EFCAB8: variants seen among roughly 807,000 people sequenced by gnomAD.
EFCAB8 encodes EF-hand calcium binding domain 8.
A neutral mutation model predicts 116.3 loss-of-function variants in EFCAB8; 100 were observed. That is an observed-to-expected ratio of 0.86 (90% CI 0.73 to 1.02). The LOEUF (loss-of-function observed/expected upper bound fraction) is 1.02, where lower values mean the gene tolerates loss of function less well. EFCAB8 is among the 50% of genes least tolerant of loss of function. The pLI is 0.00. For synonymous variants in EFCAB8, 558 were observed against 567.9 expected (o/e 0.98, Z 0.25); for missense variants, 1,320 against 1,416.9 (o/e 0.93, Z 1.10).
intron 23 of EFCAB8, among the ~76,000 whole-genome samples, chr20:32,951,344 A>T (rs1466569363): frequency 2.0e-5 from 3 of 152,278 alleles, no homozygotes; most frequent in Non-Finnish European, 4.4e-5. Flanking sequence ...GCAATAAAAC[A>T]GAATGAAGAA....
rs186570042 is a variant in EFCAB8 at position 32,916,534 on chromosome 20, T to C, written c.1857-767T>C. 4.0e-3 allele frequency among the ~76,000 whole-genome samples: 607 copies of C among 152,136 alleles called. 2 individuals carry two copies. The highest frequency in any genetic ancestry group is 5.9e-3 in the Non-Finnish European group (401 of 67,974). On this transcript the variant is annotated intron_variant, in intron 17 of 26. Transcript: ENST00000400522. ...TTGGCCCCTCAAAGTGCTGGGATTA[T>C]AGGCATGAGCCACCATGCCTAGCCT...
At chr20:32,897,442 T>A (rs1417430381) in intron 10 of EFCAB8, among the ~76,000 whole-genome samples, 3 of 150,238 alleles carry the variant, frequency 2.0e-5, no homozygotes, top group Non-Finnish European at 4.5e-5. Flanking sequence ...GCACTGACTT[T>A]TTTTTTTTTT....
chr20:32,917,537 C>T, intron 18 of EFCAB8, 32 bp downstream of exon 18: 1 of 1,544,458 alleles, frequency 6.5e-7, no homozygotes. Flanking sequence ...CTCCTCCCAC[C>T]CTTCTCTCAG....
intron 17 of EFCAB8, 97 bp downstream of exon 17, chr20:32,912,961 A>G (rs1987013993): frequency 1.5e-6 from 1 of 669,136 alleles, no homozygotes; most frequent in Non-Finnish European, 2.8e-6. Context: ...TGGTTGGAAC[A>G]CCATGCAGGA....
At chr20:32,929,971 A>T (rs1392764504) in intron 20 of EFCAB8, among the ~76,000 whole-genome samples, 4 of 152,218 alleles carry the variant, frequency 2.6e-5, no homozygotes, top group African/African-American at 9.6e-5. Context: ...TTTCTTGATG[A>T]TTGGCTGGAA....
At chr20:32,951,810 G>T (rs2146300420) in intron 23 of EFCAB8, among the ~76,000 whole-genome samples, 1 of 152,130 alleles carries the variant, frequency 6.6e-6, no homozygotes, top group East Asian at 1.9e-4. Context: ...TGCAATGCCT[G>T]TTCAGATCTT....
chr20:32,948,457 A>G (rs574202679), intron 23 of EFCAB8, among the ~76,000 whole-genome samples: 489 of 151,934 alleles, frequency 3.2e-3, no homozygotes, highest in African/African-American at 0.011. Context: ...AAAAGGGTAC[A>G]ATACTTCCCA....
At position 32,937,979 on chromosome 20, in the gene EFCAB8, C is replaced by T. The variant is rs185269369; in HGVS notation, c.2791-5657C>T. 3.7e-3 allele frequency among the ~76,000 whole-genome samples: 554 copies of T among 150,028 alleles called. 42 individuals carry two copies. Among genetic ancestry groups the T allele is most frequent in the African/African-American group, 0.013 (532 of 40,490 alleles). Reference sequence around the variant, plus strand: ...AGAGTTCTCTATGAGGCCAGTATTACCTTGATACCAAAACCAGATAAAGAT... The same window carrying T: ...AGAGTTCTCTATGAGGCCAGTATTATCTTGATACCAAAACCAGATAAAGAT... On this transcript the variant is annotated intron_variant, in intron 22 of 26. Coordinates refer to ENST00000400522, the MANE Select transcript of EFCAB8 (RefSeq NM_001143967.2).
At position 32,877,207 on chromosome 20, in the gene EFCAB8, C is replaced by CTTTTTTTTTT. The variant is rs757130907; in HGVS notation, c.327+1173_327+1182dup. Among the ~76,000 whole-genome samples the CTTTTTTTTTT allele has an allele frequency of 2.3e-3, 267 of 115,024 alleles. 4 individuals carry two copies. The highest frequency in any genetic ancestry group is 4.0e-3 in the Non-Finnish European group (220 of 55,168). 75.5% of individuals were successfully genotyped at this position (115,024 alleles called of 152,430 possible). A position where few individuals can be genotyped will look rare whatever the true frequency, so the allele number is the denominator to read the frequency against. On this transcript the variant is annotated intron_variant, in intron 4 of 26. Coordinates refer to ENST00000400522, the MANE Select transcript of EFCAB8 (RefSeq NM_001143967.2). Reference sequence around the variant, plus strand: ...TTTTCTTGTTTTTATTTATTTCTTTCTTTTTTTTTTTTTTTTTTTGAGATG... The same window carrying CTTTTTTTTTT: ...TTTTCTTGTTTTTATTTATTTCTTTCTTTTTTTTTTTTTTTTTTTTTTTTTTTTTGAGATG...
intron 23 of EFCAB8, among the ~76,000 whole-genome samples, chr20:32,956,859 T>C (rs975002607): frequency 5.9e-5 from 9 of 151,966 alleles, no homozygotes; most frequent in Admixed American, 5.9e-4. Flanking sequence ...TTCTGCATTA[T>C]TCTCTCTCTC....
At position 32,931,295 on chromosome 20, in the gene EFCAB8, G is replaced by A; in HGVS notation, c.2749G>A (p.Gly917Arg). The change falls in exon 22 of 27, where the codon GGG (glycine) becomes AGG (arginine). Residue 917 changes from glycine (G) to arginine (R), a missense_variant. Coordinates refer to ENST00000400522, the MANE Select transcript of EFCAB8 (RefSeq NM_001143967.2). ...KFRLLIPQQL[G>R]TNFPHYIPLE... ...CCGGTTGTTAATTCCTCAGCAACTT[G>A]GGACCAACTTCCCACACTACATTCC... The A allele has an allele frequency of 6.4e-7, 1 of 1,551,294 alleles. No homozygotes were observed. The highest frequency in any genetic ancestry group is 8.7e-7 in the Non-Finnish European group (1 of 1,146,744).
rs913908038 is a variant in EFCAB8 at position 32,861,374 on chromosome 20, C to T, written c.-11+2368C>T. On this transcript the variant is annotated intron_variant, in intron 1 of 26. Transcript: ENST00000400522. ...CACAATCTCGGCTCACCGCAACCTC[C>T]GCCTCCTGGATTCAAGCAGTTCTCC... Among the ~76,000 whole-genome samples the T allele has an allele frequency of 2.0e-4, 31 of 152,206 alleles. No individual in the cohort carries two copies. The South Asian group carries it at 2.7e-3, about 13-fold the overall frequency.
chr20:32,958,379 G>A (rs1369744901), intron 23 of EFCAB8, 42 bp from the exon 24 acceptor site: 1 of 416,496 alleles, frequency 2.4e-6, no homozygotes, highest in East Asian at 3.6e-5. Flanking sequence ...TGGAGGAGGG[G>A]GTATGCCAGT....
chr20:32,907,212 T>G (rs1253544876), intron 13 of EFCAB8: 1 of 715,390 alleles, frequency 1.4e-6, no homozygotes, highest in Admixed American at 6.3e-5. Context: ...TTTGTGACCC[T>G]GGCAAGTCCT....
chr20:32,875,841 A>C, intron 3 of EFCAB8, 85 bp from the exon 4 acceptor site: 1 of 1,231,732 alleles, frequency 8.1e-7, no homozygotes, highest in Non-Finnish European at 1.2e-6. Context: ...CCCCCTCAGC[A>C]CCCAGACACT....
chr20:32,938,095 A>T (rs948156333), intron 22 of EFCAB8, among the ~76,000 whole-genome samples: 2 of 150,130 alleles, frequency 1.3e-5, no homozygotes, highest in African/African-American at 4.9e-5. Context: ...CCAACAACAT[A>T]TGAAAATGAT....
chr20:32,939,311 C>G (rs1261216984), intron 22 of EFCAB8, among the ~76,000 whole-genome samples: 2 of 132,654 alleles, frequency 1.5e-5, no homozygotes, highest in African/African-American at 5.8e-5. Context: ...TTGACAGAGT[C>G]TTGCTCTGTC....
rs542392082 is a variant in EFCAB8, at chr20:32,959,926, C to T, written c.3238C>T (p.Arg1080Cys). ...MALMSPWAGERPLEDIEDSWN... is the reference protein window; with the variant it reads ...MALMSPWAGECPLEDIEDSWN... ...CCTGATGTCCCCGTGGGCCGGAGAG[C>T]GCCCCCTGGAAGACATTGAGGACAG... Residue 1080 changes from arginine to cysteine, a missense_variant, in exon 25 of 27, where the codon CGC becomes TGC. Physicochemically the swap from Arg to Cys is radical, Grantham distance 180. Transcript: ENST00000400522. 37 of 1,551,596 alleles carry T rather than the reference C, an allele frequency of 2.4e-5. No individual in the cohort carries two copies. The highest frequency in any genetic ancestry group is 1.1e-4 in the African/African-American group (8 of 73,118).
chr20:32,917,271 C>T (rs1226465658), intron 17 of EFCAB8, 30 bp from the exon 18 acceptor site: 3 of 1,516,368 alleles, frequency 2.0e-6, no homozygotes, highest in African/African-American at 2.8e-5. Context: ...GCTGAGCTCT[C>T]AGCCCTCCTG....
Sources: allele counts gnomAD v4.1 joint callset (sites outside exome capture counted in the v4.1 genomes callset), GRCh38; gene constraint gnomAD v4.1.1; transcripts MANE v1.5; gene names NCBI Gene and HGNC (gene_info 2026-07-23, HGNC 2026-07-21).